Variants in RRP12 observed in about 807,000 individuals in gnomAD.
The protein encoded by RRP12 is RRP12-like protein.
Under a neutral mutation model 157.3 loss-of-function variants are expected in RRP12, and 78 were observed. The observed-to-expected ratio is 0.50, with a 90% CI of 0.41 to 0.60. The LOEUF (loss-of-function observed/expected upper bound fraction) is 0.60, where lower values mean the gene tolerates loss of function less well. RRP12 is among the 20% of genes least tolerant of loss of function. The pLI is 0.00. For missense variants in RRP12, 1,521 were observed against 1,679.9 expected, an observed-to-expected ratio of 0.91 and a Z score of 1.65; for synonymous variants, 726 against 670.9, an observed-to-expected ratio of 1.08 and a Z score of -1.27.
chr10:97,368,367 C>CA (rs1436293576), intron 25 of RRP12, among the ~76,000 whole-genome samples: 1 of 146,762 alleles, frequency 6.8e-6, no homozygotes, highest in Non-Finnish European at 1.5e-5. Flanking sequence ...CTATAAATCC[C>CA]TTTTTTTTGA....
At chr10:97,359,668 G>A (rs895396753) in intron 31 of RRP12, among the ~76,000 whole-genome samples, 1 of 152,304 alleles carries the variant, frequency 6.6e-6, no homozygotes, top group Non-Finnish European at 1.5e-5. Context: ...TCATGTTTTT[G>A]CAGATGAGAA....
intron 2 of RRP12, among the ~76,000 whole-genome samples, chr10:97,397,722 G>A (rs1373190953): frequency 2.0e-5 from 3 of 151,414 alleles, no homozygotes; most frequent in Non-Finnish European, 4.4e-5. Flanking sequence ...CACTTTGGGA[G>A]GCTCAGGTGG....
In RRP12 at chr10:97,369,471, A is replaced by C; in HGVS notation, c.2909T>G (p.Val970Gly). The C allele has an allele frequency of 6.2e-7, 1 of 1,612,338 alleles. No individual in the cohort carries two copies. Among genetic ancestry groups the C allele is most frequent in the Non-Finnish European group, 8.5e-7 (1 of 1,179,298 alleles). The change falls in exon 25 of 34, where the codon GTG becomes GGG. Residue 970 changes from valine (V) to glycine (G), a missense_variant. By Grantham distance (109) the Val-to-Gly change is moderately radical. Coordinates refer to ENST00000370992, the MANE Select transcript of RRP12 (RefSeq NM_015179.4). ...CAGGTGCGCCACGTCCATGACAGTC[A>C]CTGCCACCTTGATGAAGCCCAGTGC... ...KSALGFIKVA[V>G]TVMDVAHLAK...
Position 97,369,578 on chromosome 10 carries a change from C to T in RRP12, c.2802G>A (p.Leu934=). ...GCTGCTCCACTGTACTGGTCCCCATCAGACCTGTGGCAGTGAGGGGGTCAC... is the reference window on the plus strand; with the variant it reads ...GCTGCTCCACTGTACTGGTCCCCATTAGACCTGTGGCAGTGAGGGGGTCAC... ...LTHLLFEFKG[L]MGTSTVEQLL... Residue 934 remains leucine, a synonymous_variant, in exon 25 of 34, where the codon CTG becomes CTA. Coordinates refer to ENST00000370992, the MANE Select transcript of RRP12 (RefSeq NM_015179.4). 1 of 1,560,444 alleles carries T rather than the reference C, an allele frequency of 6.4e-7. No individual in the cohort carries two copies. Among genetic ancestry groups the T allele is most frequent in the Non-Finnish European group, 8.7e-7 (1 of 1,151,954 alleles).
intron 10 of RRP12, among the ~76,000 whole-genome samples, chr10:97,382,761 T>G (rs893392189): frequency 1.5e-5 from 2 of 136,072 alleles, no homozygotes; most frequent in Non-Finnish European, 3.1e-5. Flanking sequence ...TTTGACTGTT[T>G]CTATTTTTTT....
In RRP12 at chr10:97,388,350, T is replaced by C. The variant is rs1390545579; in HGVS notation, c.919A>G (p.Met307Val). 1.2e-6 allele frequency: 2 copies of C among 1,613,948 alleles called. No homozygotes were observed. Among genetic ancestry groups the C allele is most frequent in the East Asian group, 2.2e-5 (1 of 44,862 alleles). The change falls in exon 8 of 34, where the codon ATG becomes GTG. Residue 307 changes from methionine to valine, a missense_variant. Physicochemically the swap from Met to Val is conservative, Grantham distance 21. Coordinates refer to ENST00000370992, the MANE Select transcript of RRP12 (RefSeq NM_015179.4). Reference sequence around the variant, plus strand: ...AGCAGGTCCTTCAGCAGCGTCAGCATGTGCAGCGTGGTGGTGGCCTCCTTG... The same window carrying C: ...AGCAGGTCCTTCAGCAGCGTCAGCACGTGCAGCGTGGTGGTGGCCTCCTTG... ...GSKEATTTLH[M>V]LTLLKDLLPC...
At chr10:97,378,082 G>C (rs4635018) in intron 15 of RRP12, among the ~76,000 whole-genome samples, 57,957 of 151,776 alleles carry the variant, frequency 0.38, 11,525 homozygotes, top group African/African-American at 0.5. Flanking sequence ...TAAACTAGAA[G>C]ATAAATAGAG....
chr10:97,390,528 G>A lies in RRP12; in HGVS notation c.648C>T (p.Cys216=). 3.1e-6 allele frequency: 5 copies of A among 1,613,360 alleles called. No homozygotes were observed. Among genetic ancestry groups the A allele is most frequent in the Non-Finnish European group, 3.4e-6 (4 of 1,179,448 alleles). ...CTTGCTTCCGCAGAAGGGTGGCCAG[G>A]CAGGAAAGGACCTGGAAGAAAGTCA... ...STSVLRWVLS[C]LATLLRKQDL... The change falls in exon 6 of 34, where the codon TGC becomes TGT. Residue 216 remains cysteine, a synonymous_variant. Transcript: ENST00000370992.
chr10:97,360,734 AC>A lies in RRP12; in HGVS notation c.3568-117del. On this transcript the variant is annotated intron_variant, in intron 30 of 33. Coordinates refer to ENST00000370992, the MANE Select transcript of RRP12 (RefSeq NM_015179.4). ...AAGCAGGAGAGGCCCTCTGCTAAGC[AC>A]CCCACCTCTCACTTACAGATGGGGA... is the stretch of plus-strand genomic sequence containing the variant. 7.8e-6 allele frequency: 6 copies of A among 766,894 alleles called. No homozygotes were observed. The South Asian group carries it at 8.8e-5, about 11-fold the overall frequency. 47.5% of individuals were successfully genotyped at this position (766,894 alleles called of 1,614,324 possible).
chr10:97,357,227 CT>C, intron 33 of RRP12, 31 bp from the exon 34 acceptor site: 1 of 1,452,372 alleles, frequency 6.9e-7, no homozygotes, highest in Non-Finnish European at 9.6e-7. Flanking sequence ...AGGGTCACAT[CT>C]GGCTGAGAAT....
At chr10:97,397,260 A>C (rs886140560) in intron 2 of RRP12, among the ~76,000 whole-genome samples, 1 of 152,082 alleles carries the variant, frequency 6.6e-6, no homozygotes, top group African/African-American at 2.4e-5. Context: ...TCCCGGGTTC[A>C]AGCGATTCTC....
intron 2 of RRP12, among the ~76,000 whole-genome samples, chr10:97,396,912 G>A (rs1473453888): frequency 6.6e-6 from 1 of 151,946 alleles, no homozygotes; most frequent in Non-Finnish European, 1.5e-5. Context: ...TTACAGGTGT[G>A]CACCACCATG....
rs1845136672 is a variant in RRP12 at position 97,401,163 on chromosome 10, G to A, written c.69C>T (p.Ser23=). Residue 23 remains serine (S), a synonymous_variant, in exon 1 of 34, where the codon AGC becomes AGT. Transcript: ENST00000370992. ...AKLKRWKKGH[S]SDSNPAICRH... is the part of the protein sequence containing the mutation. ...GGCAGATGGCGGGGTTGCTGTCGCT[G>A]CTGTGGCCTTTCTTCCAGCGCTTCA... is the stretch of plus-strand genomic sequence containing the variant. 6.2e-7 allele frequency: 1 copy of A among 1,614,050 alleles called. No homozygotes were observed. Among genetic ancestry groups the A allele is most frequent in the East Asian group, 2.2e-5 (1 of 44,890 alleles).
intron 31 of RRP12, 140 bp downstream of exon 31, chr10:97,360,406 T>C: frequency 1.5e-6 from 1 of 687,116 alleles, no homozygotes; most frequent in East Asian, 2.6e-5. Flanking sequence ...GAGTGTCATA[T>C]CAGCCAACCT....
At chr10:97,358,111 G>A (rs941445688) in intron 33 of RRP12, among the ~76,000 whole-genome samples, 1 of 152,112 alleles carries the variant, frequency 6.6e-6, no homozygotes, top group African/African-American at 2.4e-5. Flanking sequence ...GAGGCATGCA[G>A]ATCATGAGGT....
In RRP12 at chr10:97,376,434, C is replaced by T. The variant is rs150869280; in HGVS notation, c.1799-2540G>A. Among the ~76,000 whole-genome samples the T allele has an allele frequency of 4.2e-3, 643 of 151,832 alleles. 5 individuals carry two copies. The highest frequency in any genetic ancestry group is 5.1e-3 in the Non-Finnish European group (344 of 67,926). On this transcript the variant is annotated intron_variant, in intron 15 of 33. Transcript: ENST00000370992. Reference sequence around the variant, plus strand: ...TTCTCCATGTTGTTTAGGCTGGTCTCGAACTCCTGACCTCATGATCTGCCC... The same window carrying T: ...TTCTCCATGTTGTTTAGGCTGGTCTTGAACTCCTGACCTCATGATCTGCCC...
At chr10:97,358,464 C>T in intron 33 of RRP12, 73 bp downstream of exon 33, 5 of 1,159,042 alleles carry the variant, frequency 4.3e-6, no homozygotes, top group South Asian at 3.8e-5. Context: ...AAGGCCTTCC[C>T]TTCTTTAGAG....
At position 97,358,530 on chromosome 10, in the gene RRP12, G is replaced by T; in HGVS notation, c.3791+7C>A. Reference sequence around the variant, plus strand: ...CAGCCCCCAGCCTGCCTGGCACAGCGTCATACCTGCGGTTGAGCTTGCTTC... The same window carrying T: ...CAGCCCCCAGCCTGCCTGGCACAGCTTCATACCTGCGGTTGAGCTTGCTTC... On this transcript the variant is annotated splice_region_variant and intron_variant, in intron 33 of 33. Coordinates refer to ENST00000370992, the MANE Select transcript of RRP12 (RefSeq NM_015179.4). 6.2e-7 allele frequency: 1 copy of T among 1,611,454 alleles called. No homozygotes were observed.
chr10:97,376,736 T>C (rs1458721217), intron 15 of RRP12, among the ~76,000 whole-genome samples: 14 of 152,064 alleles, frequency 9.2e-5, no homozygotes, highest in Admixed American at 7.9e-4. Flanking sequence ...CAACCAAAAA[T>C]GTCTCCAGGC....
Sources: allele counts gnomAD v4.1 joint callset (sites outside exome capture counted in the v4.1 genomes callset), GRCh38; gene constraint gnomAD v4.1.1; transcripts MANE v1.5; gene names NCBI Gene and HGNC (gene_info 2026-07-23, HGNC 2026-07-21).